The following SLC27A4 variants were observed in gnomAD, a reference collection of about 807,000 sequenced individuals.
SLC27A4 encodes the protein long-chain fatty acid transport protein 4.
A neutral mutation model predicts 64.4 loss-of-function variants in SLC27A4; 33 were observed. The observed-to-expected ratio is 0.51, with a 90% CI of 0.39 to 0.68. SLC27A4 has a LOEUF of 0.68. Among genes scored for constraint, SLC27A4 ranks in the 30% least tolerant of loss-of-function variants. The pLI, the probability that SLC27A4 is intolerant of heterozygous loss-of-function variation, is 0.00. For synonymous variants in SLC27A4, 377 were observed against 370.0 expected, an observed-to-expected ratio of 1.02 and a Z score of -0.22; for missense variants, 824 against 883.5, an observed-to-expected ratio of 0.93 and a Z score of 0.85.
Position 128,350,528 on chromosome 9 carries a change from G to A in SLC27A4, c.830G>A (p.Arg277Gln), listed in dbSNP as rs1458529052. ...CTGGTGTACTATGGATTCCGCATGC[G>A]GCCCAACGACATCGTCTATGACTGC... ...AALVYYGFRM[R>Q]PNDIVYDCLP... Residue 277 changes from arginine to glutamine, a missense_variant, in exon 6 of 13, where the codon CGG (arginine) becomes CAG (glutamine). Physicochemically the swap from Arg to Gln is conservative, Grantham distance 43 (BLOSUM62 1). Transcript: ENST00000300456. 11 of 1,613,830 alleles carry A rather than the reference G, an allele frequency of 6.8e-6. No homozygotes were observed. Among genetic ancestry groups the A allele is most frequent in the Middle Eastern group, 1.6e-4 (1 of 6,084 alleles).
Position 128,350,522 on chromosome 9 carries a change from G to T in SLC27A4, c.824G>T (p.Arg275Leu), listed in dbSNP as rs780754811. The change falls in exon 6 of 13, where the codon CGC becomes CTC. Residue 275 changes from arginine to leucine, a missense_variant. Transcript: ENST00000300456. ...RMAALVYYGFRMRPNDIVYDC... is the reference protein window; with the variant it reads ...RMAALVYYGFLMRPNDIVYDC... ...GCTGCCCTGGTGTACTATGGATTCC[G>T]CATGCGGCCCAACGACATCGTCTAT... is the stretch of plus-strand genomic sequence containing the variant. 6.2e-7 allele frequency: 1 copy of T among 1,613,932 alleles called. No individual in the cohort carries two copies. Among genetic ancestry groups the T allele is most frequent in the Middle Eastern group, 1.6e-4 (1 of 6,062 alleles).
intron 3 of SLC27A4, among the ~76,000 whole-genome samples, chr9:128,346,710 CAAAAT>C (rs1254680568): frequency 4.0e-5 from 6 of 150,110 alleles, no homozygotes; most frequent in Non-Finnish European, 4.4e-5. Flanking sequence ...TCAAAAAAAA[CAAAAT>C]AAAAGGCCGG....
rs374594269 is a variant in SLC27A4, at chr9:128,352,766, G to C, written c.987+19G>C. 3.2e-6 allele frequency: 5 copies of C among 1,576,092 alleles called. No individual in the cohort carries two copies. The highest frequency in any genetic ancestry group is 4.4e-6 in the Non-Finnish European group (5 of 1,145,582). ...CTGCACGGTGAGCGAGAGCGGGAAGGGTGAGCTGTCCCTTTCCCCTAGTTA... is the reference window on the plus strand; with the variant it reads ...CTGCACGGTGAGCGAGAGCGGGAAGCGTGAGCTGTCCCTTTCCCCTAGTTA... On this transcript the variant is annotated intron_variant, in intron 7 of 12. Transcript: ENST00000300456.
intron 12 of SLC27A4, among the ~76,000 whole-genome samples, chr9:128,357,924 G>C (rs1817557065): frequency 6.6e-6 from 1 of 152,202 alleles, no homozygotes; most frequent in Non-Finnish European, 1.5e-5. Flanking sequence ...GGTTCTGAAG[G>C]TTGGAGACAC....
chr9:128,345,634 G>T lies in SLC27A4; in HGVS notation c.556+85G>T, dbSNP rs1378435290. The T allele has an allele frequency of 2.1e-6, 3 of 1,445,830 alleles. No individual in the cohort carries two copies. The highest frequency in any genetic ancestry group is 2.8e-6 in the Non-Finnish European group (3 of 1,089,086). 89.6% of individuals were successfully genotyped at this position (1,445,830 alleles called of 1,614,324 possible). On this transcript the variant is annotated intron_variant, in intron 3 of 12. Coordinates refer to ENST00000300456, the MANE Select transcript of SLC27A4 (RefSeq NM_005094.4). This position sits in a 1 kb window ranked among gnomAD's most constrained non-coding sequence, Gnocchi z 4.1. ...GCTCCCTTCCAGCCCTGCCAAGGCTGTGTGGGTCAGTGGTTAAGGGCACAG... is the reference window on the plus strand; with the variant it reads ...GCTCCCTTCCAGCCCTGCCAAGGCTTTGTGGGTCAGTGGTTAAGGGCACAG...
intron 4 of SLC27A4, 64 bp downstream of exon 4, chr9:128,348,767 A>G: frequency 6.5e-7 from 1 of 1,547,524 alleles, no homozygotes. Context: ...CACTGGCCTC[A>G]GTGCCAGAAG....
chr9:128,344,699 A>G (rs369789502), intron 2 of SLC27A4, among the ~76,000 whole-genome samples: 5 of 152,280 alleles, frequency 3.3e-5, no homozygotes, highest in African/African-American at 1.2e-4. Context: ...AAACTCATTC[A>G]TTATTTACTG....
At chr9:128,358,340 G>A (rs778232615) in intron 12 of SLC27A4, among the ~76,000 whole-genome samples, 26 of 152,376 alleles carry the variant, frequency 1.7e-4, no homozygotes, top group Admixed American at 5.2e-4. Context: ...GTAGCCACTA[G>A]CCTGGCAGAG....
chr9:128,353,319 G>C lies in SLC27A4; in HGVS notation c.1197+85G>C. ...ATGCAGAGGGGAGGGCAGAGTTCGAGCGTGAGAGTGTGGGTGCTGGAGTCC... is the reference window on the plus strand; with the variant it reads ...ATGCAGAGGGGAGGGCAGAGTTCGACCGTGAGAGTGTGGGTGCTGGAGTCC... On this transcript the variant is annotated intron_variant, in intron 8 of 12. Coordinates refer to ENST00000300456, the MANE Select transcript of SLC27A4 (RefSeq NM_005094.4). The surrounding 1 kb of genome is among the most constrained non-coding windows in gnomAD (Gnocchi z 4.9). 6.2e-7 allele frequency: 1 copy of C among 1,610,798 alleles called. No homozygotes were observed. The highest frequency in any genetic ancestry group is 8.5e-7 in the Non-Finnish European group (1 of 1,177,726).
At position 128,360,315 on chromosome 9, in the gene SLC27A4, T is replaced by G. The variant is rs763477553; in HGVS notation, c.1775-19T>G. 5.0e-6 allele frequency: 8 copies of G among 1,613,766 alleles called. No individual in the cohort carries two copies. The highest frequency in any genetic ancestry group is 1.3e-5 in the African/African-American group (1 of 74,896). On this transcript the variant is annotated intron_variant, in intron 12 of 12. Transcript: ENST00000300456. ...TCGGGCCCCTGCCCTGCACTGAGTCTTCTTCCCTGCTCTCCCAGGAACCTA... is the reference window on the plus strand; with the variant it reads ...TCGGGCCCCTGCCCTGCACTGAGTCGTCTTCCCTGCTCTCCCAGGAACCTA...
At chr9:128,352,047 T>C (rs1395411971) in intron 6 of SLC27A4, among the ~76,000 whole-genome samples, 1 of 150,804 alleles carries the variant, frequency 6.6e-6, no homozygotes, top group East Asian at 1.9e-4. Context: ...AAAAAAAAAT[T>C]AGCCGGGCGT....
At chr9:128,354,093 C>G (rs1346184445) in intron 9 of SLC27A4, among the ~76,000 whole-genome samples, 1 of 152,000 alleles carries the variant, frequency 6.6e-6, no homozygotes, top group Non-Finnish European at 1.5e-5. Flanking sequence ...ACAGGCAAAC[C>G]CCACCATGCC....
chr9:128,350,432 C>T, intron 5 of SLC27A4, 51 bp downstream of exon 5: 1 of 1,612,312 alleles, frequency 6.2e-7, no homozygotes, highest in South Asian at 1.1e-5. Context: ...GCTGGGGAGC[C>T]TCCTTCTGCC....
chr9:128,350,288 G>T, intron 4 of SLC27A4, 24 bp from the exon 5 acceptor site: 1 of 1,610,204 alleles, frequency 6.2e-7, no homozygotes, highest in South Asian at 1.1e-5. Flanking sequence ...GCCCCCGACA[G>T]CCACTCGCGT....
chr9:128,353,458 AC>A lies in SLC27A4; in HGVS notation c.1245del (p.Ile416SerfsTer13). On this transcript the variant is annotated frameshift_variant, in exon 9 of 13. Coordinates refer to ENST00000300456, the MANE Select transcript of SLC27A4 (RefSeq NM_005094.4). LOFTEE classifies it high-confidence loss of function. The surrounding 1 kb of genome is among the most constrained non-coding windows in gnomAD (Gnocchi z 4.9). ...AATAGCCGCATCCTGTCCTTCGTGT[AC>A]CCCATCCGGTTGGTACGTGTCAACG... ...GFNSRILSFV[Y>X]PIRLVRVNED... 1 of 1,613,894 alleles carries A rather than the reference AC, an allele frequency of 6.2e-7. No homozygotes were observed. Among genetic ancestry groups the A allele is most frequent in the Non-Finnish European group, 8.5e-7 (1 of 1,179,988 alleles).
At chr9:128,347,879 G>GAA (rs112671132) in intron 3 of SLC27A4, among the ~76,000 whole-genome samples, 14 of 68,072 alleles carry the variant, frequency 2.1e-4, no homozygotes, top group African/African-American at 6.3e-4. Flanking sequence ...AAAAGCAAAA[G>GAA]AAAAAAAAAA....
chr9:128,351,682 A>C (rs1832738576), intron 6 of SLC27A4, among the ~76,000 whole-genome samples: 1 of 152,214 alleles, frequency 6.6e-6, no homozygotes, highest in Non-Finnish European at 1.5e-5. Context: ...GTGCCATTGC[A>C]CATCAGCCTG....
chr9:128,351,823 C>T (rs1832741262), intron 6 of SLC27A4, among the ~76,000 whole-genome samples: 1 of 151,842 alleles, frequency 6.6e-6, no homozygotes. Context: ...AAGGCTGAGA[C>T]AGGAGAATCA....
intron 1 of SLC27A4, chr9:128,342,357 C>A (rs774686107): frequency 1.2e-6 from 2 of 1,611,242 alleles, no homozygotes; most frequent in East Asian, 4.5e-5. Flanking sequence ...AGCAAGCAAG[C>A]GAATCGTAAT....
Sources: allele counts gnomAD v4.1 joint callset (sites outside exome capture counted in the v4.1 genomes callset), GRCh38; gene constraint gnomAD v4.1.1; non-coding constraint Gnocchi (gnomAD v3.1); transcripts MANE v1.5; gene names NCBI Gene and HGNC (gene_info 2026-07-23, HGNC 2026-07-21).